TUSC3: variants seen among roughly 807,000 people sequenced by gnomAD.
The protein encoded by TUSC3 is tumor suppressor candidate 3.
A neutral mutation model predicts 44.8 loss-of-function variants in TUSC3; 45 were observed. The ratio of observed to expected loss-of-function variants is 1.00; its 90% CI spans 0.79 to 1.29. TUSC3 has a LOEUF of 1.29. Among genes scored for constraint, TUSC3 ranks in the 50% most tolerant of loss-of-function variants. The pLI is 0.00. For missense variants in TUSC3, 519 were observed against 437.9 expected, an observed-to-expected ratio of 1.19 and a Z score of -1.65; for synonymous variants, 212 against 152.9, an observed-to-expected ratio of 1.39 and a Z score of -2.85.
At chr8:15,552,683 T>C (rs951952754) in intron 1 of TUSC3, among the ~76,000 whole-genome samples, 46 of 151,718 alleles carry the variant, frequency 3.0e-4, no homozygotes, top group African/African-American at 9.2e-4. Flanking sequence ...AGAGTGGAAG[T>C]GAGGATCAAA....
intron 1 of TUSC3, among the ~76,000 whole-genome samples, chr8:15,462,187 C>G (rs1758976357): frequency 6.6e-6 from 1 of 152,022 alleles, no homozygotes. Flanking sequence ...TATACCAAGC[C>G]TACTTCTGAG....
At chr8:15,835,650 T>C in the TUSC3 span, among the ~76,000 whole-genome samples, 220 of 152,308 alleles carry the variant, frequency 1.4e-3, no homozygotes, top group African/African-American at 5.0e-3. Context: ...TTATGGAATT[T>C]TTTGTACCTA....
At chr8:15,554,768 AT>A (rs575644013) in intron 1 of TUSC3, among the ~76,000 whole-genome samples, 8 of 146,432 alleles carry the variant, frequency 5.5e-5, no homozygotes, top group Admixed American at 6.9e-5. Flanking sequence ...CGCCCGGCTA[AT>A]TTTTTTTTTG....
intron 2 of TUSC3, among the ~76,000 whole-genome samples, chr8:15,485,050 T>C (rs1173490903): frequency 6.6e-6 from 1 of 152,164 alleles, no homozygotes; most frequent in East Asian, 1.9e-4. Context: ...GTGTCTCAGG[T>C]CATTCATTTT....
At chr8:15,626,289 C>T (rs936009586) in intron 2 of TUSC3, among the ~76,000 whole-genome samples, 11 of 152,280 alleles carry the variant, frequency 7.2e-5, no homozygotes, top group African/African-American at 2.6e-4. Context: ...GCTATGGGGG[C>T]CACTGCAGTG....
the TUSC3 span, among the ~76,000 whole-genome samples, chr8:15,846,470 A>G: frequency 4.0e-4 from 61 of 152,300 alleles, no homozygotes; most frequent in African/African-American, 1.3e-3. Flanking sequence ...AGAACCATCA[A>G]TGATAGACTG....
chr8:15,721,520 A>G (rs1398672331), intron 6 of TUSC3, among the ~76,000 whole-genome samples: 1 of 152,094 alleles, frequency 6.6e-6, no homozygotes, highest in Non-Finnish European at 1.5e-5. Flanking sequence ...GACAGCTACA[A>G]AAGTAATTAC....
intron 6 of TUSC3, among the ~76,000 whole-genome samples, chr8:15,704,057 G>T (rs1031987726): frequency 6.6e-6 from 1 of 152,046 alleles, no homozygotes; most frequent in Non-Finnish European, 1.5e-5. Flanking sequence ...TATGTCAGGT[G>T]GTAGTAAATA....
At chr8:15,629,950 A>G (rs941820368) in intron 2 of TUSC3, among the ~76,000 whole-genome samples, 2 of 152,068 alleles carry the variant, frequency 1.3e-5, no homozygotes, top group Admixed American at 6.5e-5. Flanking sequence ...CTCCTCGGCC[A>G]AATAAAGTTG....
intron 6 of TUSC3, among the ~76,000 whole-genome samples, chr8:15,677,296 A>C (rs1244790633): frequency 2.6e-5 from 4 of 152,164 alleles, no homozygotes; most frequent in Admixed American, 1.3e-4. Flanking sequence ...CACTGTGCCC[A>C]TCTGTAAATG....
intron 2 of TUSC3, among the ~76,000 whole-genome samples, chr8:15,488,678 A>G (rs1800766725): frequency 6.6e-6 from 1 of 152,132 alleles, no homozygotes; most frequent in Admixed American, 6.5e-5. Context: ...TAGTGTCTTT[A>G]TAAGGAAAGA....
the TUSC3 span, among the ~76,000 whole-genome samples, chr8:15,796,864 G>A: frequency 2.0e-5 from 3 of 152,130 alleles, no homozygotes; most frequent in African/African-American, 4.8e-5. Context: ...AAACAGACCC[G>A]CCCGCTGCCC....
intron 1 of TUSC3, among the ~76,000 whole-genome samples, chr8:15,465,788 C>G (rs1054936895): frequency 2.6e-5 from 4 of 152,110 alleles, no homozygotes; most frequent in African/African-American, 4.8e-5. Flanking sequence ...GCAACCCTAT[C>G]TTTTTCTCTT....
At chr8:15,488,437 G>A (rs902025134) in intron 2 of TUSC3, among the ~76,000 whole-genome samples, 4 of 152,124 alleles carry the variant, frequency 2.6e-5, no homozygotes, top group Admixed American at 6.5e-5. Context: ...AGGAGGCCAA[G>A]GCTGCAGTAA....
chr8:15,731,055 A>C (rs541493994), intron 7 of TUSC3, among the ~76,000 whole-genome samples: 1 of 152,050 alleles, frequency 6.6e-6, no homozygotes, highest in Non-Finnish European at 1.5e-5. Context: ...GCAAGAAAAA[A>C]GTGCCTTATG....
At chr8:15,430,067 T>G (rs535155348) in intron 1 of TUSC3, among the ~76,000 whole-genome samples, 1 of 151,588 alleles carries the variant, frequency 6.6e-6, no homozygotes, top group Non-Finnish European at 1.5e-5. Context: ...AGCTGGTACC[T>G]TTCCTTCTGA....
chr8:15,778,112 CAAAAA>C, the TUSC3 span, among the ~76,000 whole-genome samples: 1 of 93,446 alleles, frequency 1.1e-5, no homozygotes, highest in African/African-American at 4.2e-5. Flanking sequence ...AAAAAAAAAA[CAAAAA>C]ACCAAAAAAC....
the TUSC3 span, among the ~76,000 whole-genome samples, chr8:15,842,811 C>T: frequency 6.6e-6 from 1 of 152,182 alleles, no homozygotes; most frequent in Non-Finnish European, 1.5e-5. Flanking sequence ...TAGAGGAAAC[C>T]TGTACATCTC....
intron 6 of TUSC3, among the ~76,000 whole-genome samples, chr8:15,700,325 A>G (rs1368028307): frequency 6.6e-6 from 1 of 152,088 alleles, no homozygotes; most frequent in Non-Finnish European, 1.5e-5. Flanking sequence ...TTCTGGGCTG[A>G]ATTCCTGTAT....
Sources: allele counts gnomAD v4.1 joint callset (sites outside exome capture counted in the v4.1 genomes callset), GRCh38; gene constraint gnomAD v4.1.1; transcripts MANE v1.5; gene names NCBI Gene and HGNC (gene_info 2026-07-23, HGNC 2026-07-21).